SLC12A1: variants seen among roughly 807,000 people sequenced by gnomAD.
SLC12A1 encodes the protein solute carrier family 12 member 1.
Under a neutral mutation model 130.4 loss-of-function variants are expected in SLC12A1, and 89 were observed. That is an observed-to-expected ratio of 0.68 (90% CI 0.58 to 0.81). The LOEUF is 0.81. SLC12A1 is among the 40% of genes least tolerant of loss of function. The pLI, the probability that SLC12A1 is intolerant of heterozygous loss-of-function variation, is 0.00. For missense variants in SLC12A1, 1,310 were observed against 1,336.4 expected (o/e 0.98, Z 0.31); for synonymous variants, 499 against 460.0 (o/e 1.08, Z -1.09).
intron 5 of SLC12A1, chr15:48,228,801 T>C (rs77504103): frequency 0.022 from 3,600 of 160,316 alleles, 148 homozygotes; most frequent in African/African-American, 0.083. Context: ...AACTACTTCA[T>C]TTTCTACCTA....
At chr15:48,279,147 C>A (rs185003267) in intron 20 of SLC12A1, among the ~76,000 whole-genome samples, 1 of 152,134 alleles carries the variant, frequency 6.6e-6, no homozygotes, top group East Asian at 1.9e-4. Context: ...ATTAACTTTC[C>A]GCCACATTTC....
intron 20 of SLC12A1, among the ~76,000 whole-genome samples, chr15:48,279,234 C>T (rs2041986245): frequency 1.3e-5 from 2 of 152,138 alleles, no homozygotes; most frequent in South Asian, 4.2e-4. Context: ...AATAAACTTG[C>T]ATTTCATTAT....
intron 2 of SLC12A1, among the ~76,000 whole-genome samples, chr15:48,220,108 CAAAAAAAAA>C (rs59484094): frequency 1.3e-5 from 1 of 75,376 alleles, no homozygotes. Context: ...GACTCTGCCT[CAAAAAAAAA>C]AAAAAAAAAA....
rs199880194 is a variant in SLC12A1, at chr15:48,299,175, G to A, written c.2996G>A (p.Arg999His). 7.3e-5 allele frequency: 118 copies of A among 1,605,756 alleles called. No homozygotes were observed. Among genetic ancestry groups the A allele is most frequent in the Middle Eastern group, 1.6e-4 (1 of 6,062 alleles). The change falls in exon 25 of 27, where the codon CGT becomes CAT. Residue 999 changes from arginine (R) to histidine (H), a missense_variant. By Grantham distance (29) the Arg-to-His change is conservative. Transcript: ENST00000380993. ...KVFEEMIEPY[R>H]LHESCKDLTT... ...TTTGAAGAGATGATTGAACCATATCGTCTCCATGAAAGCTGCAAAGATTTA... is the reference window on the plus strand; with the variant it reads ...TTTGAAGAGATGATTGAACCATATCATCTCCATGAAAGCTGCAAAGATTTA...
chr15:48,277,276 G>A (rs1198792931), intron 20 of SLC12A1, among the ~76,000 whole-genome samples: 2 of 148,440 alleles, frequency 1.3e-5, no homozygotes, highest in Non-Finnish European at 3.0e-5. Flanking sequence ...TGAGGGAAAG[G>A]CATGAATGGA....
At chr15:48,281,798 T>C (rs1043436913) in intron 20 of SLC12A1, among the ~76,000 whole-genome samples, 3 of 152,218 alleles carry the variant, frequency 2.0e-5, no homozygotes, top group Non-Finnish European at 2.9e-5. Context: ...GTAATTTTTA[T>C]TGTCAGGCTA....
chr15:48,246,456 G>T (rs1281433875), intron 11 of SLC12A1, among the ~76,000 whole-genome samples: 1 of 152,076 alleles, frequency 6.6e-6, no homozygotes, highest in Non-Finnish European at 1.5e-5. Context: ...TAACCAAAAA[G>T]GCCATTTCTA....
intron 2 of SLC12A1, among the ~76,000 whole-genome samples, chr15:48,210,615 G>A (rs1178334090): frequency 1.3e-5 from 2 of 151,882 alleles, no homozygotes; most frequent in East Asian, 3.9e-4. Context: ...AGCACTTTGG[G>A]AGGCTGAGGC....
chr15:48,272,891 T>C (rs1040469656), intron 19 of SLC12A1, among the ~76,000 whole-genome samples: 9 of 152,052 alleles, frequency 5.9e-5, no homozygotes, highest in Non-Finnish European at 1.0e-4. Flanking sequence ...GCAGATCACT[T>C]GAGGTCTCGA....
chr15:48,287,949 C>A, intron 21 of SLC12A1, 94 bp from the exon 22 acceptor site: 2 of 1,347,744 alleles, frequency 1.5e-6, no homozygotes, highest in Non-Finnish European at 1.0e-6. Context: ...GAATCTGTGA[C>A]CTTTTCTCTA....
At chr15:48,280,549 ATCTATC>A (rs989917145) in intron 20 of SLC12A1, among the ~76,000 whole-genome samples, 4 of 152,024 alleles carry the variant, frequency 2.6e-5, no homozygotes, top group African/African-American at 9.7e-5. Flanking sequence ...ATCTCTATCT[ATCTATC>A]TCTATCTCTA....
At chr15:48,211,799 G>C (rs1375844759) in intron 2 of SLC12A1, among the ~76,000 whole-genome samples, 7 of 152,162 alleles carry the variant, frequency 4.6e-5, no homozygotes, top group Non-Finnish European at 8.8e-5. Flanking sequence ...AAACAGGTTT[G>C]AAAGACATTA....
chr15:48,300,281 T>C (rs2042218566), intron 25 of SLC12A1, among the ~76,000 whole-genome samples: 1 of 150,696 alleles, frequency 6.6e-6, no homozygotes, highest in African/African-American at 2.4e-5. Flanking sequence ...GCTGAGCTCG[T>C]GCCACTGTAC....
chr15:48,248,175 C>T (rs2041605152), intron 13 of SLC12A1, among the ~76,000 whole-genome samples: 1 of 152,174 alleles, frequency 6.6e-6, no homozygotes, highest in South Asian at 2.1e-4. Context: ...CATAGGCGGG[C>T]AGAGACTTCC....
chr15:48,274,709 T>A, intron 20 of SLC12A1, 56 bp downstream of exon 20: 1 of 1,243,856 alleles, frequency 8.0e-7, no homozygotes, highest in Non-Finnish European at 1.2e-6. Context: ...ACTTTGTGCC[T>A]GACATTGTTA....
intron 7 of SLC12A1, 55 bp downstream of exon 7, chr15:48,230,558 T>C (rs1396041412): frequency 1.8e-6 from 2 of 1,096,226 alleles, no homozygotes; most frequent in East Asian, 2.5e-5. Flanking sequence ...CCTGAACAAA[T>C]TGCAGGAGTA....
intron 16 of SLC12A1, 51 bp from the exon 17 acceptor site, chr15:48,259,149 G>T (rs1366437375): frequency 8.4e-7 from 1 of 1,190,634 alleles, no homozygotes; most frequent in Non-Finnish European, 1.3e-6. Context: ...TGGTTCTAAG[G>T]TTACAGGCTT....
At chr15:48,301,510 G>GGGGGGGGGT in intron 26 of SLC12A1, 128 bp downstream of exon 26, 1 of 497,244 alleles carries the variant, frequency 2.0e-6, no homozygotes, top group Non-Finnish European at 3.4e-6. Context: ...TTTGGGGGGG[G>GGGGGGGGGT]GAACACGTGG....
At chr15:48,228,995 A>G in intron 5 of SLC12A1, 194 bp from the exon 6 acceptor site, 1 of 496,878 alleles carries the variant, frequency 2.0e-6, no homozygotes, top group Non-Finnish European at 3.5e-6. Flanking sequence ...GGATACTTCT[A>G]TTGTAGATTA....
Sources: gnomAD v4.1 joint callset for allele counts (sites outside exome capture counted in the v4.1 genomes callset) on GRCh38, gnomAD v4.1.1 for gene constraint, MANE v1.5 for transcripts, NCBI Gene and HGNC (gene_info 2026-07-23, HGNC 2026-07-21) for gene names.